The following TSC22D1 variants were observed in gnomAD, a reference collection of about 807,000 sequenced individuals.
TSC22D1 encodes the protein TSC22 domain family protein 1.
Under a neutral mutation model 74.2 loss-of-function variants are expected in TSC22D1, and 9 were observed. The ratio of observed to expected loss-of-function variants is 0.12; its 90% confidence interval spans 0.07 to 0.21. The LOEUF (loss-of-function observed/expected upper bound fraction) is 0.21, where lower values mean the gene tolerates loss of function less well. Ranked by LOEUF, TSC22D1 falls within the 10% of genes least tolerant of loss-of-function variation. The pLI, the probability that TSC22D1 is intolerant of heterozygous loss-of-function variation, is 1.00. For missense variants in TSC22D1, 1,427 were observed against 1,304.7 expected, an observed-to-expected ratio of 1.09 and a Z score of -1.44; for synonymous variants, 586 against 492.5, an observed-to-expected ratio of 1.19 and a Z score of -2.51.
At chr13:44,557,193 T>C (rs576722623) in intron 1 of TSC22D1, among the ~76,000 whole-genome samples, 3 of 150,342 alleles carry the variant, frequency 2.0e-5, no homozygotes, top group Non-Finnish European at 4.4e-5. Flanking sequence ...CCGGGCGCAG[T>C]GGCACACACC....
chr13:44,462,241 G>GA (rs113496792), intron 1 of TSC22D1, among the ~76,000 whole-genome samples: 15,063 of 152,144 alleles, frequency 0.099, 775 homozygotes, highest in Non-Finnish European at 0.1. Flanking sequence ...AGAGTAACAA[G>GA]AAAATTACTA....
rs1566109746 is a variant in TSC22D1 at position 44,436,010 on chromosome 13, CATTTAGTATAAATG to C, written c.2964+20_2964+33del. ...ACATCTTATTTTTGTGCTGTGCCCACATTTAGTATAAATGATTTTTCATCAGTACATACCATAGC... is the reference window on the plus strand; with the variant it reads ...ACATCTTATTTTTGTGCTGTGCCCACATTTTTCATCAGTACATACCATAGC... On this transcript the variant is annotated intron_variant, in intron 2 of 2. Transcript: ENST00000458659. 6.2e-7 allele frequency: 1 copy of C among 1,600,992 alleles called. No homozygotes were observed. The highest frequency in any genetic ancestry group is 2.2e-5 in the East Asian group (1 of 44,746).
intron 1 of TSC22D1, among the ~76,000 whole-genome samples, chr13:44,439,166 TGAAGGACA>T: frequency 6.6e-6 from 1 of 152,246 alleles, no homozygotes; most frequent in Non-Finnish European, 1.5e-5. Flanking sequence ...ATTTTCCTAT[TGAAGGACA>T]TTACAGTTAT....
intron 1 of TSC22D1, among the ~76,000 whole-genome samples, chr13:44,490,350 A>G (rs1297037826): frequency 2.0e-5 from 3 of 151,766 alleles, no homozygotes; most frequent in African/African-American, 7.3e-5. Flanking sequence ...CATTTGAGAG[A>G]ATGCTAAGTT....
intron 1 of TSC22D1, among the ~76,000 whole-genome samples, chr13:44,535,525 A>C (rs1217604027): frequency 6.6e-6 from 1 of 152,052 alleles, no homozygotes; most frequent in Non-Finnish European, 1.5e-5. Context: ...CAATATGGCA[A>C]AGAAAATAAG....
At chr13:44,526,735 G>T (rs993636897) in intron 1 of TSC22D1, among the ~76,000 whole-genome samples, 1 of 152,100 alleles carries the variant, frequency 6.6e-6, no homozygotes, top group Non-Finnish European at 1.5e-5. Flanking sequence ...TATTGCTTTT[G>T]CACCATTGTA....
chr13:44,575,771 C>T lies in TSC22D1; in HGVS notation c.304G>A (p.Gly102Arg). Residue 102 changes from glycine to arginine, a missense_variant, in exon 1 of 3, where the codon GGA (glycine) becomes AGA (arginine). Physicochemically the swap from Gly to Arg is moderately radical, Grantham distance 125. Transcript: ENST00000458659. ...QLQAQPLAPG[G>R]TQMKKKSGFQ... ...CCACTTTTCTTTTTCATTTGAGTTC[C>T]GCCTGGCGCAAGAGGCTGTGCCTGC... 6.2e-7 allele frequency: 1 copy of T among 1,614,170 alleles called. No homozygotes were observed. The highest frequency in any genetic ancestry group is 1.7e-5 in the Admixed American group (1 of 60,020).
At chr13:44,546,584 A>C (rs1477049537) in intron 1 of TSC22D1, among the ~76,000 whole-genome samples, 2 of 152,218 alleles carry the variant, frequency 1.3e-5, no homozygotes, top group Non-Finnish European at 2.9e-5. Flanking sequence ...ATGAATTCCT[A>C]AACTGGATCC....
chr13:44,450,928 T>C (rs549707012), intron 1 of TSC22D1, among the ~76,000 whole-genome samples: 6 of 152,278 alleles, frequency 3.9e-5, no homozygotes, highest in Non-Finnish European at 7.4e-5. Context: ...CCGTTTGGCA[T>C]AGCAAAGACA....
chr13:44,470,176 T>C lies in TSC22D1; in HGVS notation c.2913-34081A>G, dbSNP rs184409647. On this transcript the variant is annotated intron_variant, in intron 1 of 2. Coordinates refer to ENST00000458659, the MANE Select transcript of TSC22D1 (RefSeq NM_183422.4). ...ATTAGAAAAATATGCAAGTAATTAATGAAGGGAACAAATATGAAAGAAAAC... is the reference window on the plus strand; with the variant it reads ...ATTAGAAAAATATGCAAGTAATTAACGAAGGGAACAAATATGAAAGAAAAC... 2.6e-5 allele frequency among the ~76,000 whole-genome samples: 4 copies of C among 152,214 alleles called. No individual in the cohort carries two copies. The East Asian group carries it at 7.7e-4, about 29-fold the overall frequency.
intron 1 of TSC22D1, among the ~76,000 whole-genome samples, chr13:44,444,807 A>G (rs1161190981): frequency 6.6e-6 from 1 of 152,178 alleles, no homozygotes; most frequent in Non-Finnish European, 1.5e-5. Flanking sequence ...AAATTTAACA[A>G]TTTAAACAAA....
At position 44,482,100 on chromosome 13, in the gene TSC22D1, G is replaced by A. The variant is rs74068543; in HGVS notation, c.2913-46005C>T. ...ATATAAAGCAAAATTATGGAAACAC[G>A]TGCATGTTAGTAAATTTGCAGTATG... On this transcript the variant is annotated intron_variant, in intron 1 of 2. Transcript: ENST00000458659. Among the ~76,000 whole-genome samples the A allele has an allele frequency of 6.8e-3, 1,041 of 152,242 alleles. 12 individuals carry two copies. Among genetic ancestry groups the A allele is most frequent in the African/African-American group, 0.024 (993 of 41,536 alleles).
chr13:44,565,519 A>T (rs1010036370), intron 1 of TSC22D1, among the ~76,000 whole-genome samples: 6 of 152,118 alleles, frequency 3.9e-5, no homozygotes, highest in Admixed American at 6.5e-5. Flanking sequence ...AAGTTGTTAT[A>T]ATTTTTTAAA....
At chr13:44,506,498 A>C (rs940734438) in intron 1 of TSC22D1, among the ~76,000 whole-genome samples, 2 of 152,150 alleles carry the variant, frequency 1.3e-5, no homozygotes, top group African/African-American at 4.8e-5. Flanking sequence ...CAGGGGAGGG[A>C]CAGCATCAGG....
In TSC22D1 at chr13:44,432,521, ACTG is replaced by A. The variant is rs1281706715; in HGVS notation, c.*2102_*2104del. On this transcript the variant is annotated 3_prime_UTR_variant, in exon 3 of 3. Coordinates refer to ENST00000458659, the MANE Select transcript of TSC22D1 (RefSeq NM_183422.4). ...ATTCCCCCAAAATATCTTTATGACAACTGCTATCAGCCTATGGCAGTGAGCCAT... is the reference window on the plus strand; with the variant it reads ...ATTCCCCCAAAATATCTTTATGACAACTATCAGCCTATGGCAGTGAGCCAT... 1 of 152,088 alleles carries A rather than the reference ACTG, an allele frequency of 6.6e-6. No homozygotes were observed. Among genetic ancestry groups the A allele is most frequent in the Non-Finnish European group, 1.5e-5 (1 of 68,010 alleles). 9.4% of individuals were successfully genotyped at this position (152,088 alleles called of 1,614,324 possible).
chr13:44,491,350 G>A (rs549878087), intron 1 of TSC22D1, among the ~76,000 whole-genome samples: 47 of 152,192 alleles, frequency 3.1e-4, no homozygotes, highest in African/African-American at 9.9e-4. Context: ...TCAGGAGATC[G>A]AGACCATCCT....
intron 1 of TSC22D1, among the ~76,000 whole-genome samples, chr13:44,548,774 A>G (rs1881997421): frequency 6.6e-6 from 1 of 152,216 alleles, no homozygotes. Context: ...CCTTTTAAGT[A>G]TCTTCAAAAA....
At position 44,567,494 on chromosome 13, in the gene TSC22D1, A is replaced by G. The variant is rs546583135; in HGVS notation, c.2912+5669T>C. ...GAAAATAAAACCTAGAGGAAACACC[A>G]CATAGAAAGAAAAAAAAAACTTTTT... is the stretch of plus-strand genomic sequence containing the variant. On this transcript the variant is annotated intron_variant, in intron 1 of 2. Transcript: ENST00000458659. Among the ~76,000 whole-genome samples, 5 of 151,568 alleles carry G rather than the reference A, an allele frequency of 3.3e-5. No homozygotes were observed. In the East Asian group the frequency reaches 9.7e-4, roughly 29 times the overall value.
At chr13:44,556,233 AAAAC>A (rs1489242475) in intron 1 of TSC22D1, among the ~76,000 whole-genome samples, 3 of 151,834 alleles carry the variant, frequency 2.0e-5, no homozygotes, top group East Asian at 3.8e-4. Flanking sequence ...TTAAAAAAAA[AAAAC>A]AAACCACCAC....
Sources: gnomAD v4.1 joint callset for allele counts (sites outside exome capture counted in the v4.1 genomes callset) on GRCh38, gnomAD v4.1.1 for gene constraint, MANE v1.5 for transcripts, NCBI Gene and HGNC (gene_info 2026-07-23, HGNC 2026-07-21) for gene names.